The following BAHCC1 variants were observed in gnomAD, a reference collection of about 807,000 sequenced individuals.
BAHCC1 encodes BAH and coiled-coil domain-containing protein 1.
BAHCC1 carries 43 observed loss-of-function variants against 88.2 expected under a neutral mutation model. That is an observed-to-expected ratio of 0.49 (90% CI 0.38 to 0.63). BAHCC1 has a LOEUF of 0.63. Ranked by LOEUF, BAHCC1 falls within the 20% of genes least tolerant of loss-of-function variation. The pLI, the probability that BAHCC1 is intolerant of heterozygous loss-of-function variation, is 0.00. For missense variants in BAHCC1, 3,023 were observed against 1,654.8 expected, an observed-to-expected ratio of 1.83 and a Z score of -14.34; for synonymous variants, 1,510 against 745.5, an observed-to-expected ratio of 2.03 and a Z score of -16.71.
At position 81,458,295 on chromosome 17, in the gene BAHCC1, C is replaced by T. The variant is rs541694162; in HGVS notation, c.5172C>T (p.Ala1724=). Residue 1724 remains alanine, a synonymous_variant, in exon 18 of 28, where the codon GCC becomes GCT. Coordinates refer to ENST00000675386, the MANE Select transcript of BAHCC1 (RefSeq NM_001377448.1). ...CAGGTGCGCTGGGCAAGAAGAAAGC[C>T]AAGGGCAAGGCCAAGGGCAGCCTGC... is the stretch of plus-strand genomic sequence containing the variant. ...RPPGALGKKK[A]KGKAKGSLRA... The T allele has an allele frequency of 6.6e-4, 495 of 750,020 alleles. 5 individuals carry two copies. The East Asian group carries it at 0.012, about 18-fold the overall frequency. The allele number at this position is 750,020 out of a possible 1,614,324, so 46.5% of individuals were successfully genotyped here.
At chr17:81,421,148 C>T (rs1200270291) in intron 2 of BAHCC1, among the ~76,000 whole-genome samples, 3 of 152,268 alleles carry the variant, frequency 2.0e-5, no homozygotes, top group East Asian at 3.8e-4. Flanking sequence ...GGTCAAGACC[C>T]CCTCCCTGGC....
Position 81,399,326 on chromosome 17 carries a change from GTGCGCGCGCGGGGCCCCGGGTGCTGGGC to G in BAHCC1, c.-206-197_-206-170del, listed in dbSNP as rs1384034836. ...GGGCCAAGCGTGGCCGGGACGGTGC[GTGCGCGCGCGGGGCCCCGGGTGCTGGGC>G]TGCGCGCGCGTGCGGCGGGGAGACA... On this transcript the variant is annotated intron_variant, in intron 1 of 27. Coordinates refer to ENST00000675386, the MANE Select transcript of BAHCC1 (RefSeq NM_001377448.1). The surrounding 1 kb of genome is among the most constrained non-coding windows in gnomAD (Gnocchi z 4.5). 4.0e-5 allele frequency: 8 copies of G among 200,118 alleles called. No homozygotes were observed. The highest frequency in any genetic ancestry group is 1.5e-4 in the African/African-American group (6 of 41,334). The allele number at this position is 200,118 out of a possible 1,614,324, so 12.4% of individuals were successfully genotyped here. A position where few individuals can be genotyped will look rare whatever the true frequency, so the allele number is the denominator to read the frequency against.
chr17:81,416,686 G>A (rs2064035893), intron 2 of BAHCC1, among the ~76,000 whole-genome samples: 1 of 152,322 alleles, frequency 6.6e-6, no homozygotes, highest in East Asian at 1.9e-4. Flanking sequence ...AGGAGGGTGA[G>A]AGCCTGCCCC....
rs782564019 is a variant in BAHCC1 at position 81,462,974 on chromosome 17, AAGGTGAGGCCCGGAC to A, written c.7620+4_7620+18del. ...GCTGGGCAAGAGGCAGTGCGACGGC[AAGGTGAGGCCCGGAC>A]AGGTGTGGGGCCCAGCCCCCCTCGG... On this transcript the variant is annotated splice_donor_variant and splice_donor_5th_base_variant and coding_sequence_variant and intron_variant, in exon 27 of 28. Transcript: ENST00000675386. 44 of 780,034 alleles carry A rather than the reference AAGGTGAGGCCCGGAC, an allele frequency of 5.6e-5. 1 individual carries two copies. The African/African-American group carries it at 6.2e-4, about 11-fold the overall frequency. The allele number at this position is 780,034 out of a possible 1,614,324, so 48.3% of individuals were successfully genotyped here. A position where few individuals can be genotyped will look rare whatever the true frequency, so the allele number is the denominator to read the frequency against.
At chr17:81,401,015 A>G (rs1293551138) in intron 2 of BAHCC1, 1 of 152,292 alleles carries the variant, frequency 6.6e-6, no homozygotes, top group East Asian at 1.9e-4. Flanking sequence ...CGCTTTTAAA[A>G]ACAAAATTGG....
In BAHCC1 at chr17:81,447,765, G is replaced by C. The variant is rs782766916; in HGVS notation, c.3893G>C (p.Ser1298Thr). The change falls in exon 11 of 28, where the codon AGC (serine) becomes ACC (threonine). Residue 1298 changes from serine to threonine, a missense_variant. Physicochemically the swap from Ser to Thr is moderately conservative, Grantham distance 58. Coordinates refer to ENST00000675386, the MANE Select transcript of BAHCC1 (RefSeq NM_001377448.1). ...GPPSTVPLPH[S>T]SGIHGIALLS... ...CCCAGCACAGTCCCCCTGCCTCATA[G>C]CTCAGGGATTCATGGGATCGCTCTG... 1 of 747,468 alleles carries C rather than the reference G, an allele frequency of 1.3e-6. No homozygotes were observed. Among genetic ancestry groups the C allele is most frequent in the Non-Finnish European group, 2.5e-6 (1 of 402,026 alleles). 46.3% of individuals were successfully genotyped at this position (747,468 alleles called of 1,614,324 possible).
At chr17:81,410,022 TG>T in intron 2 of BAHCC1, 1 of 287,308 alleles carries the variant, frequency 3.5e-6, no homozygotes, top group Admixed American at 4.1e-5. Flanking sequence ...CGGTGGCCCC[TG>T]CTCTTCCCTC....
intron 2 of BAHCC1, chr17:81,421,927 AT>A: frequency 2.4e-6 from 1 of 418,582 alleles, no homozygotes; most frequent in Non-Finnish European, 4.8e-6. Flanking sequence ...GGAGAAGGGT[AT>A]TTGCAGCTGT....
chr17:81,411,228 G>A lies in BAHCC1; in HGVS notation c.178+11311G>A, dbSNP rs1038242792. 1.9e-6 allele frequency: 1 copy of A among 513,710 alleles called. No homozygotes were observed. The highest frequency in any genetic ancestry group is 3.9e-6 in the Non-Finnish European group (1 of 258,184). The allele number at this position is 513,710 out of a possible 1,614,324, so 31.8% of individuals were successfully genotyped here. ...CTGGGCATGCCCAGTGGGGCCCCAG[G>A]AGGACTCGCCACCCCCAGTTGAGCA... On this transcript the variant is annotated intron_variant, in intron 2 of 27. Transcript: ENST00000675386. The surrounding 1 kb of genome is among the most constrained non-coding windows in gnomAD (Gnocchi z 6.2).
At chr17:81,458,597 C>T (rs2029948061) in intron 18 of BAHCC1, 24 bp from the exon 19 acceptor site, 3 of 707,812 alleles carry the variant, frequency 4.2e-6, no homozygotes, top group Non-Finnish European at 7.9e-6. Flanking sequence ...TGACTCAGCC[C>T]CTTCTCTGCC....
At chr17:81,418,788 C>CGCGCATGTGTGT (rs1568003252) in intron 2 of BAHCC1, among the ~76,000 whole-genome samples, 4 of 4,270 alleles carry the variant, frequency 9.4e-4, no homozygotes, top group Non-Finnish European at 2.9e-3. Flanking sequence ...TGTGTGTGTA[C>CGCGCATGTGTGT]GTGTGTGCGT....
In BAHCC1 at chr17:81,411,965, C is replaced by T. The variant is rs1463431868; in HGVS notation, c.178+12048C>T. ...ATTTGCATTCAGCGAGACACACAGG[C>T]GCACAGGGACTCAAGTGTGGCCACG... is the stretch of plus-strand genomic sequence containing the variant. On this transcript the variant is annotated intron_variant, in intron 2 of 27. Coordinates refer to ENST00000675386, the MANE Select transcript of BAHCC1 (RefSeq NM_001377448.1). The surrounding 1 kb of genome is among the most constrained non-coding windows in gnomAD (Gnocchi z 6.2). 2.6e-5 allele frequency among the ~76,000 whole-genome samples: 4 copies of T among 152,260 alleles called. No individual in the cohort carries two copies. Among genetic ancestry groups the T allele is most frequent in the East Asian group, 3.8e-4 (2 of 5,198 alleles).
chr17:81,443,161 C>A lies in BAHCC1; in HGVS notation c.1812C>A (p.Ala604=), dbSNP rs782194345. 1.3e-5 allele frequency: 10 copies of A among 778,442 alleles called. No individual in the cohort carries two copies. The South Asian group carries it at 1.3e-4, about 10-fold the overall frequency. 48.2% of individuals were successfully genotyped at this position (778,442 alleles called of 1,614,324 possible). A position where few individuals can be genotyped will look rare whatever the true frequency, so the allele number is the denominator to read the frequency against. The change falls in exon 5 of 28, where the codon GCC becomes GCA. Residue 604 remains alanine, a synonymous_variant. Coordinates refer to ENST00000675386, the MANE Select transcript of BAHCC1 (RefSeq NM_001377448.1). The part of the protein sequence containing the change: ...MAISEERKAG[A]YLDPFGSGLQ... ...TCAGCGAGGAGCGCAAGGCTGGCGC[C>A]TACCTGGACCCCTTTGGCAGTGGCC...
intron 14 of BAHCC1, among the ~76,000 whole-genome samples, chr17:81,454,035 C>T (rs1209741568): frequency 6.6e-6 from 1 of 152,226 alleles, no homozygotes; most frequent in Admixed American, 6.5e-5. Flanking sequence ...TCTTTGTCTC[C>T]ATCTGGGATT....
At chr17:81,437,186 G>A (rs2064348391) in intron 3 of BAHCC1, among the ~76,000 whole-genome samples, 1 of 152,202 alleles carries the variant, frequency 6.6e-6, no homozygotes, top group Admixed American at 6.5e-5. Flanking sequence ...CGTTCATTCC[G>A]GCAGGTTGAA....
In BAHCC1 at chr17:81,461,918, G is replaced by C; in HGVS notation, c.7255G>C (p.Ala2419Pro). 1 of 750,980 alleles carries C rather than the reference G, an allele frequency of 1.3e-6. No homozygotes were observed. Among genetic ancestry groups the C allele is most frequent in the East Asian group, 2.5e-5 (1 of 39,434 alleles). The allele number at this position is 750,980 out of a possible 1,614,324, so 46.5% of individuals were successfully genotyped here. ...CAAATCCAAGCTCAAGCGCAAAGAGGCCCTGAGCTTCTCCAAAGCCAAAGA... is the reference window on the plus strand; with the variant it reads ...CAAATCCAAGCTCAAGCGCAAAGAGCCCCTGAGCTTCTCCAAAGCCAAAGA... The part of the protein sequence containing the change: ...SSKSKLKRKE[A>P]LSFSKAKELS... Residue 2419 changes from alanine to proline, a missense_variant, in exon 26 of 28, where the codon GCC becomes CCC. Coordinates refer to ENST00000675386, the MANE Select transcript of BAHCC1 (RefSeq NM_001377448.1).
At position 81,461,495 on chromosome 17, in the gene BAHCC1, G is replaced by T. The variant is rs2030266869; in HGVS notation, c.6832G>T (p.Ala2278Ser). ...GGCGCTGCGCAAGTACGCGGGCCAGGCAGAGTTCCCGCTGCCCTACGACAG... is the reference window on the plus strand; with the variant it reads ...GGCGCTGCGCAAGTACGCGGGCCAGTCAGAGTTCCCGCTGCCCTACGACAG... ...GLALRKYAGQ[A>S]EFPLPYDSDC... Residue 2278 changes from alanine to serine, a missense_variant, in exon 26 of 28, where the codon GCA (alanine) becomes TCA (serine). Ala to Ser is a moderately conservative substitution (Grantham distance 99). Transcript: ENST00000675386. 8.1e-6 allele frequency: 6 copies of T among 743,876 alleles called. No homozygotes were observed. The highest frequency in any genetic ancestry group is 1.2e-5 in the Non-Finnish European group (5 of 400,702). 46.1% of individuals were successfully genotyped at this position (743,876 alleles called of 1,614,324 possible).
chr17:81,416,419 C>T (rs1226454720), intron 2 of BAHCC1, among the ~76,000 whole-genome samples: 1 of 59,834 alleles, frequency 1.7e-5, no homozygotes, highest in Non-Finnish European at 3.0e-5. Context: ...TATGTGTGTC[C>T]ATGAGGGTGG....
At chr17:81,456,070 G>A (rs1568032499) in intron 15 of BAHCC1, 1 of 535,014 alleles carries the variant, frequency 1.9e-6, no homozygotes, top group African/African-American at 2.0e-5. Context: ...CCTACGTGGG[G>A]TGGGCAGTTG....
Sources: gnomAD v4.1 joint callset for allele counts (sites outside exome capture counted in the v4.1 genomes callset) on GRCh38, gnomAD v4.1.1 for gene constraint, Gnocchi (gnomAD v3.1) non-coding constraint, MANE v1.5 for transcripts, NCBI Gene and HGNC (gene_info 2026-07-23, HGNC 2026-07-21) for gene names.